XRCC4: variants seen among roughly 807,000 people sequenced by gnomAD.
The protein encoded by XRCC4 is DNA repair protein XRCC4.
In XRCC4, 28 loss-of-function variants were observed where a neutral mutation model predicts 39.1. That is an observed-to-expected ratio of 0.72 (90% CI 0.53 to 0.98). XRCC4 has a LOEUF of 0.98. Among genes scored for constraint, XRCC4 ranks in the 50% least tolerant of loss-of-function variants. The pLI is 0.00. For missense variants in XRCC4, 350 were observed against 376.4 expected, an observed-to-expected ratio of 0.93 and a Z score of 0.58; for synonymous variants, 123 against 126.4, an observed-to-expected ratio of 0.97 and a Z score of 0.18.
chr5:83,190,549 A>C (rs1163424085), intron 3 of XRCC4, among the ~76,000 whole-genome samples: 1 of 152,134 alleles, frequency 6.6e-6, no homozygotes, highest in Non-Finnish European at 1.5e-5. Context: ...ATAGTAATGA[A>C]CTTTAATTCT....
intron 3 of XRCC4, among the ~76,000 whole-genome samples, chr5:83,159,041 T>C (rs1203379128): frequency 6.6e-6 from 1 of 152,090 alleles, no homozygotes; most frequent in Non-Finnish European, 1.5e-5. Flanking sequence ...TAAATACCTA[T>C]AGTGTAAGTT....
At chr5:83,273,894 A>T (rs1052493710) in intron 7 of XRCC4, among the ~76,000 whole-genome samples, 2 of 150,958 alleles carry the variant, frequency 1.3e-5, no homozygotes, top group Admixed American at 1.3e-4. Flanking sequence ...TGTCTTGGCT[A>T]TATGGGCTCT....
chr5:83,267,736 G>T (rs1409768332), intron 7 of XRCC4, among the ~76,000 whole-genome samples: 1 of 152,144 alleles, frequency 6.6e-6, no homozygotes, highest in Non-Finnish European at 1.5e-5. Context: ...TGAAGCCATG[G>T]TGGTGGTTTG....
intron 7 of XRCC4, among the ~76,000 whole-genome samples, chr5:83,344,380 A>T (rs114852104): frequency 0.02 from 2,936 of 145,980 alleles, 89 homozygotes; most frequent in African/African-American, 0.07. Context: ...AGCACTACAG[A>T]TGTGTACCAC....
intron 7 of XRCC4, among the ~76,000 whole-genome samples, chr5:83,328,043 T>A (rs546252262): frequency 2.6e-5 from 4 of 152,250 alleles, no homozygotes; most frequent in Non-Finnish European, 5.9e-5. Flanking sequence ...AAAAGAGGTT[T>A]AATTGGACTT....
At chr5:83,326,231 T>A (rs577763138) in intron 7 of XRCC4, among the ~76,000 whole-genome samples, 60 of 152,156 alleles carry the variant, frequency 3.9e-4, no homozygotes, top group Non-Finnish European at 7.1e-4. Context: ...TAGTTTCTTT[T>A]GCTGTGCAAA....
At chr5:83,098,354 G>A (rs1745774195) in intron 1 of XRCC4, among the ~76,000 whole-genome samples, 1 of 152,020 alleles carries the variant, frequency 6.6e-6, no homozygotes, top group Non-Finnish European at 1.5e-5. Flanking sequence ...ACTACCTTAT[G>A]GTGACTAAAC....
intron 4 of XRCC4, among the ~76,000 whole-genome samples, chr5:83,202,353 T>G (rs1751239589): frequency 6.6e-6 from 1 of 152,210 alleles, no homozygotes; most frequent in Non-Finnish European, 1.5e-5. Flanking sequence ...ACACATGCTG[T>G]CTGCTTTCGT....
At chr5:83,145,015 C>T (rs918802510) in intron 3 of XRCC4, among the ~76,000 whole-genome samples, 37 of 152,222 alleles carry the variant, frequency 2.4e-4, no homozygotes, top group African/African-American at 8.4e-4. Context: ...CCTGCCTCAG[C>T]CTCCCGAGTA....
intron 3 of XRCC4, among the ~76,000 whole-genome samples, chr5:83,181,595 G>C (rs1260641124): frequency 2.6e-5 from 4 of 152,044 alleles, no homozygotes; most frequent in Non-Finnish European, 5.9e-5. Context: ...TATTAAACAA[G>C]GTTCAATCAG....
At chr5:83,109,441 T>C (rs28383146) in intron 2 of XRCC4, among the ~76,000 whole-genome samples, 17 of 151,940 alleles carry the variant, frequency 1.1e-4, no homozygotes, top group African/African-American at 3.9e-4. Context: ...TTTTCAGTTT[T>C]ATAAGGAATT....
In XRCC4 at chr5:83,353,740, T is replaced by C. The variant is rs1423083689; in HGVS notation, c.*498T>C. On this transcript the variant is annotated 3_prime_UTR_variant, in exon 8 of 8. Transcript: ENST00000396027. ...CATAAACATTGTGAAAATCTGATAA[T>C]AAAATTTTTGATACATTGAAGATTT... The C allele has an allele frequency of 6.6e-6, 1 of 152,190 alleles. No homozygotes were observed. Among genetic ancestry groups the C allele is most frequent in the African/African-American group, 2.4e-5 (1 of 41,464 alleles). The allele number at this position is 152,190 out of a possible 1,614,324, so 9.4% of individuals were successfully genotyped here.
intron 3 of XRCC4, among the ~76,000 whole-genome samples, chr5:83,184,733 A>G (rs1321624291): frequency 2.6e-5 from 4 of 151,650 alleles, no homozygotes; most frequent in African/African-American, 9.7e-5. Context: ...AACAGCAAAC[A>G]GTGATCCCAG....
chr5:83,240,328 C>T (rs1234169823), intron 6 of XRCC4, among the ~76,000 whole-genome samples: 1 of 152,020 alleles, frequency 6.6e-6, no homozygotes, highest in Admixed American at 6.6e-5. Context: ...AGAAAGATAA[C>T]TCTGACTGGA....
intron 3 of XRCC4, among the ~76,000 whole-genome samples, chr5:83,180,714 GGCTGGACACCATTA>G (rs1750165714): frequency 6.6e-6 from 1 of 152,000 alleles, no homozygotes; most frequent in Non-Finnish European, 1.5e-5. Context: ...GAAAATATTT[GGCTGGACACCATTA>G]GCTTTTTCAA....
chr5:83,188,873 G>A (rs16876479), intron 3 of XRCC4, among the ~76,000 whole-genome samples: 2,283 of 152,254 alleles, frequency 0.015, 76 homozygotes, highest in African/African-American at 0.052. Flanking sequence ...AGACAATAGA[G>A]AAGCATACTG....
intron 3 of XRCC4, among the ~76,000 whole-genome samples, chr5:83,137,720 G>C (rs6871117): frequency 6.6e-6 from 1 of 152,084 alleles, no homozygotes. Flanking sequence ...GCCTTAGGAG[G>C]TGGTTGTAAG....
At chr5:83,279,179 AG>A (rs1330653271) in intron 7 of XRCC4, among the ~76,000 whole-genome samples, 7 of 150,726 alleles carry the variant, frequency 4.6e-5, no homozygotes, top group African/African-American at 1.7e-4. Flanking sequence ...AGGGATGCAT[AG>A]TGCTGGATAC....
intron 3 of XRCC4, among the ~76,000 whole-genome samples, chr5:83,131,785 A>C (rs1747600858): frequency 6.6e-6 from 1 of 151,894 alleles, no homozygotes; most frequent in African/African-American, 2.4e-5. Flanking sequence ...TCTGCACATG[A>C]GATGGGTCTC....
Sources: gnomAD v4.1 joint callset for allele counts (sites outside exome capture counted in the v4.1 genomes callset) on GRCh38, gnomAD v4.1.1 for gene constraint, MANE v1.5 for transcripts, NCBI Gene and HGNC (gene_info 2026-07-23, HGNC 2026-07-21) for gene names.